The following ZNF827 variants were observed in gnomAD, a reference collection of about 807,000 sequenced individuals.
ZNF827 encodes zinc finger protein 827.
ZNF827 carries 13 observed loss-of-function variants against 102.4 expected under a neutral mutation model. The ratio of observed to expected loss-of-function variants is 0.13; its 90% CI spans 0.08 to 0.20. The LOEUF (loss-of-function observed/expected upper bound fraction) is 0.20. ZNF827 is among the 10% of genes least tolerant of loss of function. The probability of loss-of-function intolerance (pLI) is 1.00; values close to 1 mark genes in which losing one functional copy is unlikely to be tolerated. For missense variants in ZNF827, 1,103 were observed against 1,344.4 expected, an observed-to-expected ratio of 0.82 and a Z score of 2.81; for synonymous variants, 523 against 536.2, an observed-to-expected ratio of 0.98 and a Z score of 0.34.
chr4:145,910,837 G>A (rs1018625501), intron 1 of ZNF827, among the ~76,000 whole-genome samples: 10 of 152,104 alleles, frequency 6.6e-5, no homozygotes, highest in African/African-American at 1.9e-4. Flanking sequence ...CTCTTCCTCT[G>A]CCTGAAACAG....
intron 5 of ZNF827, 115 bp from the exon 6 acceptor site, chr4:145,849,676 G>T: frequency 6.7e-7 from 1 of 1,485,458 alleles, no homozygotes; most frequent in Non-Finnish European, 9.1e-7. Flanking sequence ...AGAGAAAAAT[G>T]AGCGTGCACG....
In ZNF827 at chr4:145,885,805, A is replaced by T. The variant is rs371999666; in HGVS notation, c.1620T>A (p.Ala540=). ...TTGTGTGGTTGGCGGGCCTGTCGGCAGCATTCAAAGTAAAGGAGGTGGGCA... is the reference window on the plus strand; with the variant it reads ...TTGTGTGGTTGGCGGGCCTGTCGGCTGCATTCAAAGTAAAGGAGGTGGGCA... ...NGLPTSFTLN[A]ADRPANHTKL... The change falls in exon 4 of 15, where the codon GCT becomes GCA. Residue 540 remains alanine (A), a synonymous_variant. Transcript: ENST00000508784. 6 of 1,613,752 alleles carry T rather than the reference A, an allele frequency of 3.7e-6. No individual in the cohort carries two copies. Among genetic ancestry groups the T allele is most frequent in the Non-Finnish European group, 5.1e-6 (6 of 1,179,826 alleles).
chr4:145,919,340 G>A (rs1050005357), intron 1 of ZNF827, among the ~76,000 whole-genome samples: 1 of 152,198 alleles, frequency 6.6e-6, no homozygotes, highest in Admixed American at 6.5e-5. Flanking sequence ...GGGACCACCC[G>A]TACTTGTTCA....
At position 145,895,648 on chromosome 4, in the gene ZNF827, T is replaced by G. The variant is rs549544430; in HGVS notation, c.1094-3233A>C. On this transcript the variant is annotated intron_variant, in intron 2 of 14. Transcript: ENST00000508784. Reference sequence around the variant, plus strand: ...ACTGATTTTCACCTTTGGCCAGTCATCTCACCGATAACATCTACATTTTTA... The same window carrying G: ...ACTGATTTTCACCTTTGGCCAGTCAGCTCACCGATAACATCTACATTTTTA... Among the ~76,000 whole-genome samples the G allele has an allele frequency of 6.4e-4, 97 of 152,334 alleles. No individual in the cohort carries two copies. The South Asian group carries it at 0.02, about 32-fold the overall frequency.
At chr4:145,891,089 A>G (rs907493694) in intron 3 of ZNF827, among the ~76,000 whole-genome samples, 1 of 152,280 alleles carries the variant, frequency 6.6e-6, no homozygotes, top group Non-Finnish European at 1.5e-5. Context: ...ATGGTAGGAA[A>G]GTAAACACTT....
chr4:145,827,506 C>T (rs944850773), intron 7 of ZNF827, among the ~76,000 whole-genome samples: 4 of 152,308 alleles, frequency 2.6e-5, no homozygotes, highest in South Asian at 2.1e-4. Flanking sequence ...TCTAAACATT[C>T]GCCACTGCTG....
rs575501559 is a variant in ZNF827 at position 145,841,682 on chromosome 4, G to A, written c.2279+4274C>T. On this transcript the variant is annotated intron_variant, in intron 7 of 14. Coordinates refer to ENST00000508784, the MANE Select transcript of ZNF827 (RefSeq NM_001306215.2). Reference sequence around the variant, plus strand: ...AAAAGACTGCTGTTTTAGCATTTACGGTGAAGTTGCATCTAAAGGACTGAT... The same window carrying A: ...AAAAGACTGCTGTTTTAGCATTTACAGTGAAGTTGCATCTAAAGGACTGAT... 5.5e-4 allele frequency among the ~76,000 whole-genome samples: 83 copies of A among 152,070 alleles called. 1 individual carries two copies. The highest frequency in any genetic ancestry group is 3.2e-3 in the Middle Eastern group (1 of 316).
intron 1 of ZNF827, among the ~76,000 whole-genome samples, chr4:145,906,295 G>C (rs1023236862): frequency 1.3e-5 from 2 of 152,114 alleles, no homozygotes; most frequent in African/African-American, 4.8e-5. Flanking sequence ...CCAACCTCTT[G>C]AATCAGAAAT....
chr4:145,822,252 G>T (rs1420827033), intron 8 of ZNF827, among the ~76,000 whole-genome samples: 14 of 152,202 alleles, frequency 9.2e-5, no homozygotes. Flanking sequence ...CAGGTATCTG[G>T]ATTCTTTGGC....
chr4:145,902,232 G>T lies in ZNF827; in HGVS notation c.1027C>A (p.Pro343Thr). The T allele has an allele frequency of 6.2e-7, 1 of 1,606,092 alleles. No homozygotes were observed. Among genetic ancestry groups the T allele is most frequent in the Non-Finnish European group, 8.5e-7 (1 of 1,176,790 alleles). Residue 343 changes from proline to threonine, a missense_variant, in exon 2 of 15, where the codon CCA becomes ACA. Pro to Thr is a conservative substitution (Grantham distance 38, BLOSUM62 -1). This residue lies in a region of ZNF827 where 441 missense variants were observed against 458.6 expected (regional missense o/e 0.96). Coordinates refer to ENST00000508784, the MANE Select transcript of ZNF827 (RefSeq NM_001306215.2). This position sits in a 1 kb window ranked among gnomAD's most constrained non-coding sequence, Gnocchi z 4.3. ...PPPPPPPPPP[P>T]QSLELLLLPV... The stretch of plus-strand genomic sequence containing the variant: ...AGTAATAATAATTCCAGGGATTGTG[G>T]TGGTGGTGGTGGAGGTGGTGGAGGT...
intron 1 of ZNF827, among the ~76,000 whole-genome samples, chr4:145,925,717 T>C (rs1753373713): frequency 6.6e-6 from 1 of 152,224 alleles, no homozygotes; most frequent in Admixed American, 6.5e-5. Flanking sequence ...TCCCCTGCTA[T>C]GGGAACAGAT....
chr4:145,865,238 T>TA (rs1378332992), intron 5 of ZNF827, among the ~76,000 whole-genome samples: 1 of 152,142 alleles, frequency 6.6e-6, no homozygotes. Flanking sequence ...TGTGCCCTTC[T>TA]AAAAAAAGGT....
intron 5 of ZNF827, among the ~76,000 whole-genome samples, chr4:145,852,265 CATGGA>C (rs1404367723): frequency 8.5e-5 from 13 of 152,136 alleles, no homozygotes; most frequent in Admixed American, 8.5e-4. Context: ...TAGCTTTGAC[CATGGA>C]ATAAAAAATC....
At position 145,849,393 on chromosome 4, in the gene ZNF827, G is replaced by A. The variant is rs1276280698; in HGVS notation, c.2150C>T (p.Pro717Leu). The change falls in exon 6 of 15, where the codon CCC becomes CTC. Residue 717 changes from proline to leucine, a missense_variant. Transcript: ENST00000508784. Reference protein sequence around the residue: ...PLQKMPEGRVPPERNLFSQDI... With the variant: ...PLQKMPEGRVLPERNLFSQDI... ...CTGACTGAAGAGGTTTCTCTCTGGGGGTACTCTGCCCTCTGGCATCTTCTG... is the reference window on the plus strand; with the variant it reads ...CTGACTGAAGAGGTTTCTCTCTGGGAGTACTCTGCCCTCTGGCATCTTCTG... 1 of 1,613,974 alleles carries A rather than the reference G, an allele frequency of 6.2e-7. No individual in the cohort carries two copies. The highest frequency in any genetic ancestry group is 1.3e-5 in the African/African-American group (1 of 74,892).
chr4:145,904,661 C>A (rs914676442), intron 1 of ZNF827, among the ~76,000 whole-genome samples: 3 of 152,058 alleles, frequency 2.0e-5, no homozygotes, highest in African/African-American at 7.2e-5. Flanking sequence ...CATAGGAGGT[C>A]AGAGAATATC....
chr4:145,765,629 G>T lies in ZNF827; in HGVS notation c.2970C>A (p.Asn990Lys). 1 of 1,614,136 alleles carries T rather than the reference G, an allele frequency of 6.2e-7. No homozygotes were observed. The highest frequency in any genetic ancestry group is 8.5e-7 in the Non-Finnish European group (1 of 1,180,024). The change falls in exon 12 of 15, where the codon AAC becomes AAA. Residue 990 changes from asparagine to lysine, a missense_variant. By Grantham distance (94) the Asn-to-Lys change is moderately conservative. Transcript: ENST00000508784. The surrounding 1 kb of genome is among the most constrained non-coding windows in gnomAD (Gnocchi z 4.7). ...SKDDSDGSQK[N>K]KGGNNLLVIS... ...TGACCAGCAGATTGTTCCCGCCCTT[G>T]TTTTTCTGGGAGCCATCTGAATCAT...
intron 6 of ZNF827, among the ~76,000 whole-genome samples, chr4:145,846,402 C>T (rs535212890): frequency 4.6e-5 from 7 of 151,798 alleles, no homozygotes; most frequent in East Asian, 3.9e-4. Context: ...GGCGTGAACC[C>T]GGGAGGCGGA....
chr4:145,766,092 A>G (rs1365926029), intron 11 of ZNF827, among the ~76,000 whole-genome samples: 1 of 152,218 alleles, frequency 6.6e-6, no homozygotes, highest in Non-Finnish European at 1.5e-5. Flanking sequence ...CCTGTGTGGC[A>G]CAACTGTTAT....
chr4:145,925,084 A>G (rs1393796238), intron 1 of ZNF827, among the ~76,000 whole-genome samples: 6 of 152,142 alleles, frequency 3.9e-5, no homozygotes, highest in Admixed American at 3.9e-4. Flanking sequence ...CAGGCAAGAG[A>G]GTGTGTGCAG....
Sources: gnomAD v4.1 joint callset for allele counts (sites outside exome capture counted in the v4.1 genomes callset) on GRCh38, gnomAD v4.1.1 for gene constraint, gnomAD v4.1.1 regional missense constraint, Gnocchi (gnomAD v3.1) non-coding constraint, MANE v1.5 for transcripts, NCBI Gene and HGNC (gene_info 2026-07-23, HGNC 2026-07-21) for gene names.